The following REEP5 variants were observed in gnomAD, a reference collection of about 807,000 sequenced individuals.
REEP5 encodes receptor expression-enhancing protein 5.
REEP5 carries 24 observed loss-of-function variants against 22.4 expected under a neutral mutation model. The ratio of observed to expected loss-of-function variants is 1.07; its 90% CI spans 0.78 to 1.51. The LOEUF (loss-of-function observed/expected upper bound fraction) is 1.51, where lower values mean the gene tolerates loss of function less well. Among genes scored for constraint, REEP5 ranks in the 40% most tolerant of loss-of-function variants. The probability of loss-of-function intolerance (pLI) is 0.00; values close to 1 mark genes in which losing one functional copy is unlikely to be tolerated. For missense variants in REEP5, 252 were observed against 233.0 expected, an observed-to-expected ratio of 1.08 and a Z score of -0.53; for synonymous variants, 103 against 88.6, an observed-to-expected ratio of 1.16 and a Z score of -0.92.
At chr5:112,913,389 AAG>A (rs1448000378) in intron 2 of REEP5, among the ~76,000 whole-genome samples, 2 of 140,782 alleles carry the variant, frequency 1.4e-5, no homozygotes, top group Admixed American at 1.4e-4. Flanking sequence ...AAGAGAAAGA[AAG>A]AGAAAGAAAG....
chr5:112,897,384 CACACACACACAAAT>C (rs1768723860), intron 3 of REEP5: 1 of 139,004 alleles, frequency 7.2e-6, no homozygotes, highest in Non-Finnish European at 1.6e-5. Context: ...CACACACACA[CACACACACACAAAT>C]GTAAACAGTA....
At chr5:112,891,880 T>C (rs1385008245) in intron 3 of REEP5, 4 of 1,414,332 alleles carry the variant, frequency 2.8e-6, no homozygotes, top group Admixed American at 3.3e-5. Flanking sequence ...TGAGGAGTGG[T>C]TGCTGAGGGA....
At chr5:112,889,192 C>T (rs999973028) in intron 3 of REEP5, among the ~76,000 whole-genome samples, 2 of 150,546 alleles carry the variant, frequency 1.3e-5, no homozygotes, top group Admixed American at 1.3e-4. Context: ...TGAGAACAGA[C>T]AAATGCAGAG....
chr5:112,912,910 AG>A (rs1310669110), intron 2 of REEP5, among the ~76,000 whole-genome samples: 2 of 152,240 alleles, frequency 1.3e-5, no homozygotes, highest in Admixed American at 6.5e-5. Flanking sequence ...AAAAGAAGGC[AG>A]GAAACTATGC....
chr5:112,891,631 G>A, intron 3 of REEP5: 1 of 1,595,870 alleles, frequency 6.3e-7, no homozygotes, highest in Non-Finnish European at 8.5e-7. Context: ...GTCAGGCGGT[G>A]CTGGCAAGAT....
Position 112,921,330 on chromosome 5 carries a change from G to A in REEP5, c.119-74C>T, listed in dbSNP as rs556037553. ...ACGCGGGACAGCCGCCGCCCACACC[G>A]CGAGGCTGGGCCTGTTGTAGGAGTT... On this transcript the variant is annotated intron_variant, in intron 1 of 4. Coordinates refer to ENST00000379638, the MANE Select transcript of REEP5 (RefSeq NM_005669.5). The A allele has an allele frequency of 6.6e-5, 90 of 1,370,148 alleles. No homozygotes were observed. The Middle Eastern group carries it at 1.8e-3, about 27-fold the overall frequency. The allele number at this position is 1,370,148 out of a possible 1,614,324, so 84.9% of individuals were successfully genotyped here.
chr5:112,916,780 T>C (rs1769241968), intron 2 of REEP5, among the ~76,000 whole-genome samples: 1 of 152,228 alleles, frequency 6.6e-6, no homozygotes, highest in South Asian at 2.1e-4. Context: ...ACCAGTTTCA[T>C]CATCTGCTAG....
At chr5:112,896,039 A>T (rs75980664) in intron 3 of REEP5, 1 of 152,594 alleles carries the variant, frequency 6.6e-6, no homozygotes, top group African/African-American at 2.4e-5. Flanking sequence ...CCCAGAAGAG[A>T]TATTTCCCAG....
At chr5:112,880,566 T>C (rs1393380748) in intron 4 of REEP5, among the ~76,000 whole-genome samples, 4 of 152,264 alleles carry the variant, frequency 2.6e-5, no homozygotes, top group Non-Finnish European at 4.4e-5. Context: ...GTCCTTCCCT[T>C]AACTAACCCT....
chr5:112,907,633 T>C (rs1324631393), intron 2 of REEP5, among the ~76,000 whole-genome samples: 1 of 152,180 alleles, frequency 6.6e-6, no homozygotes, highest in Admixed American at 6.5e-5. Flanking sequence ...GGAAGACATC[T>C]CAGAGATGAA....
intron 2 of REEP5, among the ~76,000 whole-genome samples, chr5:112,919,258 G>A (rs879781948): frequency 6.6e-6 from 1 of 152,128 alleles, no homozygotes; most frequent in Non-Finnish European, 1.5e-5. Flanking sequence ...ATTAAGACAT[G>A]AGGGCTTGGC....
intron 3 of REEP5, among the ~76,000 whole-genome samples, chr5:112,887,533 G>A (rs963493637): frequency 6.6e-6 from 1 of 152,108 alleles, no homozygotes; most frequent in Non-Finnish European, 1.5e-5. Context: ...GTACTTATCT[G>A]CATGTATAAA....
intron 4 of REEP5, among the ~76,000 whole-genome samples, chr5:112,881,177 G>A (rs935375430): frequency 1.3e-4 from 19 of 150,272 alleles, no homozygotes; most frequent in African/African-American, 4.6e-4. Context: ...GTGGGAGGAG[G>A]TTAAGGCTAC....
At chr5:112,921,434 T>C in intron 1 of REEP5, 178 bp from the exon 2 acceptor site, 2 of 649,922 alleles carry the variant, frequency 3.1e-6, no homozygotes, top group Non-Finnish European at 2.8e-6. Flanking sequence ...GGCTATGCCT[T>C]GAAGTCTGGG....
chr5:112,921,271 G>T lies in REEP5; in HGVS notation c.119-15C>A. 1 of 1,613,234 alleles carries T rather than the reference G, an allele frequency of 6.2e-7. No individual in the cohort carries two copies. The highest frequency in any genetic ancestry group is 8.5e-7 in the Non-Finnish European group (1 of 1,179,418). ...TCCGATGACACCTGGGGACCACAAG[G>T]AGAGAAGTGGGTCGGGCAGCATGAG... is the stretch of plus-strand genomic sequence containing the variant. On this transcript the variant is annotated splice_polypyrimidine_tract_variant and intron_variant, in intron 1 of 4. Coordinates refer to ENST00000379638, the MANE Select transcript of REEP5 (RefSeq NM_005669.5).
intron 4 of REEP5, among the ~76,000 whole-genome samples, chr5:112,881,735 C>T (rs1768081201): frequency 6.6e-6 from 1 of 152,068 alleles, no homozygotes; most frequent in Non-Finnish European, 1.5e-5. Flanking sequence ...GATTTTAGCT[C>T]CTAACTTAAT....
At chr5:112,901,330 A>G (rs1768837428) in intron 3 of REEP5, among the ~76,000 whole-genome samples, 2 of 152,208 alleles carry the variant, frequency 1.3e-5, no homozygotes, top group African/African-American at 4.8e-5. Context: ...TGTGAACAAT[A>G]TAATAGTTGA....
At chr5:112,895,601 C>G (rs1164405084) in intron 3 of REEP5, 1 of 152,138 alleles carries the variant, frequency 6.6e-6, no homozygotes, top group Admixed American at 6.6e-5. Flanking sequence ...TGTCTTGAGA[C>G]AGTAAAATAA....
chr5:112,909,395 G>C lies in REEP5; in HGVS notation c.213-6877C>G, dbSNP rs113079743. 2.2e-3 allele frequency among the ~76,000 whole-genome samples: 332 copies of C among 151,800 alleles called. 2 individuals are homozygous for C. The highest frequency in any genetic ancestry group is 7.7e-3 in the African/African-American group (319 of 41,310). ...GAGATAAAAGATTAAGAAGAAAAGA[G>C]AGAGATAAGAAGACTCTAGTTTCTT... On this transcript the variant is annotated intron_variant, in intron 2 of 4. Coordinates refer to ENST00000379638, the MANE Select transcript of REEP5 (RefSeq NM_005669.5).
Sources: allele counts gnomAD v4.1 joint callset (sites outside exome capture counted in the v4.1 genomes callset), GRCh38; gene constraint gnomAD v4.1.1; transcripts MANE v1.5; gene names NCBI Gene and HGNC (gene_info 2026-07-23, HGNC 2026-07-21).